Variants in GAPVD1 observed in about 807,000 individuals in gnomAD.
GAPVD1 encodes the protein GTPase activating protein and VPS9 domains 1, also known as GTPase-activating protein and VPS9 domain-containing protein 1.
Under a neutral mutation model 155.5 loss-of-function variants are expected in GAPVD1, and 35 were observed. That is an observed-to-expected ratio of 0.23 (90% confidence interval 0.17 to 0.30). The LOEUF is 0.30. Among genes scored for constraint, GAPVD1 ranks in the 10% least tolerant of loss-of-function variants. The pLI is 1.00. For synonymous variants in GAPVD1, 636 were observed against 619.7 expected (o/e 1.03, Z -0.39); for missense variants, 1,429 against 1,775.7 (o/e 0.80, Z 3.51).
chr9:125,279,778 T>C (rs1836447048), intron 2 of GAPVD1, among the ~76,000 whole-genome samples: 1 of 151,418 alleles, frequency 6.6e-6, no homozygotes, highest in South Asian at 2.1e-4. Flanking sequence ...TTTTTTTTTT[T>C]GATACGGAGT....
chr9:125,309,164 T>C (rs1227237860), intron 8 of GAPVD1: 1 of 152,200 alleles, frequency 6.6e-6, no homozygotes, highest in Non-Finnish European at 1.5e-5. Flanking sequence ...ACTGCCAGTT[T>C]CTTAAAATTA....
rs764441838 is a variant in GAPVD1, at chr9:125,302,718, T to C, written c.921T>C (p.Thr307=). The C allele has an allele frequency of 1.1e-5, 17 of 1,614,166 alleles. No individual in the cohort carries two copies. In the Admixed American group the frequency reaches 2.5e-4, roughly 24 times the overall value. ...LEVGEVRAMC[T]DLLLACFICP... ...TTGGGGAGGTCAGGGCAATGTGTAC[T>C]GATCTCCTGTTGGCCTGCTTCATTT... Residue 307 remains threonine (T), a synonymous_variant, in exon 5 of 28, where the codon ACT becomes ACC. Coordinates refer to ENST00000297933, the MANE Select transcript of GAPVD1 (RefSeq NM_001282680.3).
At chr9:125,322,221 C>T (rs920938808) in intron 10 of GAPVD1, among the ~76,000 whole-genome samples, 4 of 152,104 alleles carry the variant, frequency 2.6e-5, no homozygotes, top group East Asian at 1.9e-4. Flanking sequence ...CCCGCCACCA[C>T]GCCTGGCTAA....
intron 2 of GAPVD1, among the ~76,000 whole-genome samples, chr9:125,270,298 G>C (rs569659640): frequency 6.6e-6 from 1 of 151,836 alleles, no homozygotes; most frequent in East Asian, 2.0e-4. Context: ...GTGTGGTGGC[G>C]CACACCTGTA....
At chr9:125,279,974 C>T (rs1836483541) in intron 2 of GAPVD1, among the ~76,000 whole-genome samples, 1 of 151,436 alleles carries the variant, frequency 6.6e-6, no homozygotes, top group Admixed American at 6.6e-5. Flanking sequence ...GTTGGCCAGG[C>T]TGGTCTTGAA....
intron 2 of GAPVD1, among the ~76,000 whole-genome samples, chr9:125,285,453 G>GTTTTTTTTT (rs10659223): frequency 3.2e-5 from 3 of 94,682 alleles, no homozygotes; most frequent in African/African-American, 4.2e-5. Context: ...TTTTTTCTTT[G>GTTTTTTTTT]TTTTTTTTTT....
intron 1 of GAPVD1, chr9:125,263,998 T>A: frequency 1.5e-6 from 2 of 1,355,884 alleles, no homozygotes; most frequent in Non-Finnish European, 2.1e-6. Context: ...CGTTCTTGTC[T>A]GCCAGCTCTG....
At chr9:125,274,454 C>T (rs1045216465) in intron 2 of GAPVD1, among the ~76,000 whole-genome samples, 5 of 150,586 alleles carry the variant, frequency 3.3e-5, no homozygotes, top group East Asian at 3.9e-4. Flanking sequence ...ATATAATAAG[C>T]GCTTTGTACT....
In GAPVD1 at chr9:125,337,499, C is replaced by G. The variant is rs375474390; in HGVS notation, c.2785C>G (p.Leu929Val). ...GCGTCCAGGAAATGAAGAGCGAGAA[C>G]TCCCTCCAGCTGCAGCCATTGGTGC... ...NRRPGNEERE[L>V]PPAAAIGATS... The change falls in exon 17 of 28, where the codon CTC becomes GTC. Residue 929 changes from leucine (L) to valine (V), a missense_variant. By Grantham distance (32) the Leu-to-Val change is conservative. Around this residue, in one of 4 missense-constraint regions of GAPVD1, gnomAD observed 699 missense variants for 826.0 expected, o/e 0.85. Transcript: ENST00000297933. The G allele has an allele frequency of 5.0e-6, 8 of 1,614,048 alleles. No homozygotes were observed. The African/African-American group carries it at 1.1e-4, about 22-fold the overall frequency.
In GAPVD1 at chr9:125,323,853, G is replaced by T. The variant is rs777129072; in HGVS notation, c.1788G>T (p.Val596=). The T allele has an allele frequency of 3.8e-5, 61 of 1,613,174 alleles. No homozygotes were observed. The highest frequency in any genetic ancestry group is 4.9e-5 in the Non-Finnish European group (58 of 1,179,264). ...CCCTAGACCTAGAAGGAGAGTCTGT[G>T]TCAGAACTTGGAGCAGGACCTTCTG... ...VSSLDLEGES[V]SELGAGPSGS... Residue 596 remains valine (V), a synonymous_variant, in exon 11 of 28, where the codon GTG becomes GTT. Transcript: ENST00000297933.
chr9:125,264,296 G>A (rs2131585931), intron 1 of GAPVD1, among the ~76,000 whole-genome samples: 1 of 152,238 alleles, frequency 6.6e-6, no homozygotes, highest in African/African-American at 2.4e-5. Context: ...CTGGGTTCAA[G>A]CGATTCTTGT....
At chr9:125,332,201 C>G (rs919299010) in intron 14 of GAPVD1, 141 bp downstream of exon 14, 31 of 851,520 alleles carry the variant, frequency 3.6e-5, no homozygotes, top group Middle Eastern at 3.5e-4. Flanking sequence ...TCCATTGCAC[C>G]TGAAATCTTT....
chr9:125,346,937 T>C lies in GAPVD1; in HGVS notation c.3165T>C (p.Ser1055=). 1 of 1,612,472 alleles carries C rather than the reference T, an allele frequency of 6.2e-7. No individual in the cohort carries two copies. Among genetic ancestry groups the C allele is most frequent in the Non-Finnish European group, 8.5e-7 (1 of 1,178,496 alleles). The part of the protein sequence containing the change: ...PSDGAMANYE[S]TEVMGDGESA... Reference sequence around the variant, plus strand: ...ATGGAGCAATGGCAAACTATGAAAGTACAGGTGATAATCATGACAGAGATT... The same window carrying C: ...ATGGAGCAATGGCAAACTATGAAAGCACAGGTGATAATCATGACAGAGATT... The change falls in exon 20 of 28, where the codon AGT becomes AGC. Residue 1055 remains serine, a synonymous_variant. Coordinates refer to ENST00000297933, the MANE Select transcript of GAPVD1 (RefSeq NM_001282680.3).
At chr9:125,278,268 C>T (rs1225240592) in intron 2 of GAPVD1, among the ~76,000 whole-genome samples, 1 of 152,176 alleles carries the variant, frequency 6.6e-6, no homozygotes, top group Non-Finnish European at 1.5e-5. Context: ...TGGCTGTAAT[C>T]CCAGCACTTT....
intron 2 of GAPVD1, among the ~76,000 whole-genome samples, chr9:125,278,623 T>G (rs1836208385): frequency 6.6e-6 from 1 of 151,638 alleles, no homozygotes; most frequent in Non-Finnish European, 1.5e-5. Context: ...TTGCTTGAGC[T>G]CAGGAGTTCG....
rs763387553 is a variant in GAPVD1 at position 125,360,554 on chromosome 9, A to T, written c.4071A>T (p.Pro1357=). Residue 1357 remains proline, a synonymous_variant, in exon 27 of 28, where the codon CCA becomes CCT. Transcript: ENST00000297933. ...PEVYLREAPW[P]SAQSEIRTIS... ...TTTATCTTCGAGAAGCACCATGGCC[A>T]TCTGCACAATCAGAAATCAGGACAA... The T allele has an allele frequency of 2.5e-6, 4 of 1,614,066 alleles. No homozygotes were observed. The highest frequency in any genetic ancestry group is 1.7e-4 in the Middle Eastern group (1 of 6,060).
chr9:125,305,250 C>A (rs1841585938), intron 6 of GAPVD1, 101 bp downstream of exon 6: 1 of 736,286 alleles, frequency 1.4e-6, no homozygotes, highest in Non-Finnish European at 2.3e-6. Context: ...ATTAAATGTT[C>A]TTTTAATTAG....
intron 24 of GAPVD1, among the ~76,000 whole-genome samples, chr9:125,355,365 A>T (rs1444079149): frequency 6.6e-6 from 1 of 152,198 alleles, no homozygotes; most frequent in East Asian, 1.9e-4. Flanking sequence ...CGGCTTCCCA[A>T]AGTGCTGGGA....
At position 125,337,519 on chromosome 9, in the gene GAPVD1, T is replaced by G. The variant is rs769871827; in HGVS notation, c.2805T>G (p.Ile935Met). ...EERELPPAAA[I>M]GATSLVAAPH... ...GAGAACTCCCTCCAGCTGCAGCCATTGGTGCTACTTCTTTGGTGGCTGCAC... is the reference window on the plus strand; with the variant it reads ...GAGAACTCCCTCCAGCTGCAGCCATGGGTGCTACTTCTTTGGTGGCTGCAC... Residue 935 changes from isoleucine (I) to methionine (M), a missense_variant, in exon 17 of 28, where the codon ATT becomes ATG. Physicochemically the swap from Ile to Met is conservative, Grantham distance 10. Transcript: ENST00000297933. 2 of 1,613,888 alleles carry G rather than the reference T, an allele frequency of 1.2e-6. No homozygotes were observed. The highest frequency in any genetic ancestry group is 2.7e-5 in the African/African-American group (2 of 74,938).
Sources: gnomAD v4.1 joint callset for allele counts (sites outside exome capture counted in the v4.1 genomes callset) on GRCh38, gnomAD v4.1.1 for gene constraint, gnomAD v4.1.1 regional missense constraint, MANE v1.5 for transcripts, NCBI Gene and HGNC (gene_info 2026-07-23, HGNC 2026-07-21) for gene names.